PMEPA1: variants seen among roughly 807,000 people sequenced by gnomAD.
PMEPA1 encodes prostate transmembrane protein, androgen induced 1.
Under a neutral mutation model 23.0 loss-of-function variants are expected in PMEPA1, and 11 were observed. The ratio of observed to expected loss-of-function variants is 0.48; its 90% confidence interval spans 0.30 to 0.79. The LOEUF (loss-of-function observed/expected upper bound fraction) is 0.79. Ranked by LOEUF, PMEPA1 falls within the 30% of genes least tolerant of loss-of-function variation. The pLI is 0.06. For missense variants in PMEPA1, 377 were observed against 390.9 expected, an observed-to-expected ratio of 0.96 and a Z score of 0.30; for synonymous variants, 204 against 166.4, an observed-to-expected ratio of 1.23 and a Z score of -1.74.
At chr20:57,662,520 T>C (rs1020685455) in intron 1 of PMEPA1, among the ~76,000 whole-genome samples, 1 of 152,180 alleles carries the variant, frequency 6.6e-6, no homozygotes, top group Non-Finnish European at 1.5e-5. Flanking sequence ...CACCCGCATG[T>C]TCCTGGCCAG....
chr20:57,670,209 G>A (rs1446553734), intron 1 of PMEPA1, among the ~76,000 whole-genome samples: 1 of 152,044 alleles, frequency 6.6e-6, no homozygotes, highest in Non-Finnish European at 1.5e-5. Flanking sequence ...GTGGGGTGGG[G>A]GGGGTAGTAC....
chr20:57,678,316 C>T (rs2071666781), intron 1 of PMEPA1, among the ~76,000 whole-genome samples: 2 of 152,238 alleles, frequency 1.3e-5, no homozygotes, highest in Non-Finnish European at 2.9e-5. Context: ...TAGAACCTCT[C>T]TGTATTATTT....
chr20:57,680,603 A>G (rs1290617296), intron 1 of PMEPA1, among the ~76,000 whole-genome samples: 2 of 152,264 alleles, frequency 1.3e-5, no homozygotes, highest in Non-Finnish European at 2.9e-5. Flanking sequence ...CTCAATAAAC[A>G]TTAGCTAGGC....
At chr20:57,680,885 C>T (rs542262192) in intron 1 of PMEPA1, among the ~76,000 whole-genome samples, 3 of 152,306 alleles carry the variant, frequency 2.0e-5, no homozygotes, top group Admixed American at 1.3e-4. Flanking sequence ...GAAATGAATA[C>T]ATGGGTGAGG....
chr20:57,668,046 G>A (rs1202352491), intron 1 of PMEPA1, among the ~76,000 whole-genome samples: 2 of 152,156 alleles, frequency 1.3e-5, no homozygotes, highest in South Asian at 2.1e-4. Flanking sequence ...AATCTAGGCC[G>A]GTTTTCTCGT....
intron 1 of PMEPA1, among the ~76,000 whole-genome samples, chr20:57,681,636 G>A (rs1446514171): frequency 2.0e-5 from 3 of 152,042 alleles, no homozygotes; most frequent in Non-Finnish European, 4.4e-5. Context: ...AGCTCTCCAC[G>A]TACCCTCCAC....
intron 2 of PMEPA1, among the ~76,000 whole-genome samples, chr20:57,658,356 G>A (rs771330059): frequency 3.9e-5 from 6 of 152,086 alleles, no homozygotes; most frequent in Admixed American, 6.5e-5. Flanking sequence ...AGAGCAGCTC[G>A]CCCCAACTTC....
At position 57,709,916 on chromosome 20, in the gene PMEPA1, TCCG is replaced by T. The variant is rs1035195930; in HGVS notation, c.-337_-335del. On this transcript the variant is annotated 5_prime_UTR_variant, in exon 1 of 4. Transcript: ENST00000341744. ...CGCTAGCTTTCCCCAGCCGAGCGCC[TCCG>T]CCGCCGCCGCCGCCGCCGCCTCCTC... 288 of 998,918 alleles carry T rather than the reference TCCG, an allele frequency of 2.9e-4. No individual in the cohort carries two copies. The highest frequency in any genetic ancestry group is 9.9e-4 in the Middle Eastern group (2 of 2,022). 61.9% of individuals were successfully genotyped at this position (998,918 alleles called of 1,614,324 possible).
intron 2 of PMEPA1, among the ~76,000 whole-genome samples, chr20:57,658,742 C>T (rs1291663829): frequency 6.6e-6 from 1 of 152,162 alleles, no homozygotes; most frequent in Non-Finnish European, 1.5e-5. Context: ...GACCTGGTGT[C>T]CTGTTGCCTC....
chr20:57,701,646 G>C (rs1228625355), intron 1 of PMEPA1, among the ~76,000 whole-genome samples: 1 of 152,142 alleles, frequency 6.6e-6, no homozygotes, highest in Non-Finnish European at 1.5e-5. Flanking sequence ...TTTTGTACCA[G>C]AGGTGCTTTT....
rs1299853160 is a variant in PMEPA1 at position 57,655,205 on chromosome 20, C to A, written c.265-2119G>T. 1.3e-5 allele frequency among the ~76,000 whole-genome samples: 2 copies of A among 152,196 alleles called. No individual in the cohort carries two copies. The highest frequency in any genetic ancestry group is 2.9e-5 in the Non-Finnish European group (2 of 68,040). ...CTTTGGATCTGAGCCCATCCTGGGT[C>A]TGGACCAATGGCCCCTCTTTCCTCC... On this transcript the variant is annotated intron_variant, in intron 2 of 3. Transcript: ENST00000341744. This position sits in a 1 kb window ranked among gnomAD's most constrained non-coding sequence, Gnocchi z 4.2.
intron 2 of PMEPA1, among the ~76,000 whole-genome samples, chr20:57,654,615 ACCACCCTTGTTCCAC>A (rs1277039845): frequency 2.0e-5 from 3 of 151,856 alleles, no homozygotes; most frequent in African/African-American, 7.3e-5. Flanking sequence ...TCCTCTCCCC[ACCACCCTTGTTCCAC>A]CCACCCTTGA....
chr20:57,655,627 C>A lies in PMEPA1; in HGVS notation c.265-2541G>T, dbSNP rs913368787. On this transcript the variant is annotated intron_variant, in intron 2 of 3. Transcript: ENST00000341744. This position sits in a 1 kb window ranked among gnomAD's most constrained non-coding sequence, Gnocchi z 4.2. ...CCTCTGGCTATGTCTGCCAGTCACCCCAGGTGGAGGACAAGGACAGGTTCC... is the reference window on the plus strand; with the variant it reads ...CCTCTGGCTATGTCTGCCAGTCACCACAGGTGGAGGACAAGGACAGGTTCC... Among the ~76,000 whole-genome samples the A allele has an allele frequency of 1.3e-5, 2 of 152,186 alleles. No individual in the cohort carries two copies. Among genetic ancestry groups the A allele is most frequent in the African/African-American group, 4.8e-5 (2 of 41,440 alleles).
At chr20:57,674,296 C>T (rs901144769) in intron 1 of PMEPA1, among the ~76,000 whole-genome samples, 10 of 152,208 alleles carry the variant, frequency 6.6e-5, no homozygotes, top group Non-Finnish European at 1.5e-4. Context: ...CACCAAGGAA[C>T]GGCCATGTGA....
intron 1 of PMEPA1, chr20:57,690,536 G>T: frequency 4.6e-6 from 6 of 1,295,572 alleles, no homozygotes; most frequent in Non-Finnish European, 6.1e-6. Flanking sequence ...AAAAAAGAAG[G>T]ATTAATTAAC....
intron 1 of PMEPA1, among the ~76,000 whole-genome samples, chr20:57,669,849 C>A (rs1205145484): frequency 1.3e-5 from 2 of 150,752 alleles, no homozygotes; most frequent in Admixed American, 6.6e-5. Context: ...TTTTGGAGCA[C>A]ATATAATTAT....
At chr20:57,659,300 G>C (rs1289305966) in intron 2 of PMEPA1, among the ~76,000 whole-genome samples, 1 of 152,186 alleles carries the variant, frequency 6.6e-6, no homozygotes, top group Non-Finnish European at 1.5e-5. Context: ...AGTGGATCAC[G>C]AAGCCTCTTC....
At position 57,683,554 on chromosome 20, in the gene PMEPA1, C is replaced by CGTGTGTGCGTGTGA. The variant is rs1568977703; in HGVS notation, c.110-23858_110-23857insTCACACGCACACAC. On this transcript the variant is annotated intron_variant, in intron 1 of 3. Transcript: ENST00000341744. The surrounding 1 kb of genome is among the most constrained non-coding windows in gnomAD (Gnocchi z 4.3). Reference sequence around the variant, plus strand: ...CGGTGGTGGTGTTCTGGCCTGTGTGCGTGTGTGTGTGTGTGTGTGTGTGTG... The same window carrying CGTGTGTGCGTGTGA: ...CGGTGGTGGTGTTCTGGCCTGTGTGCGTGTGTGCGTGTGAGTGTGTGTGTGTGTGTGTGTGTGTG... 9.4e-6 allele frequency among the ~76,000 whole-genome samples: 1 copy of CGTGTGTGCGTGTGA among 106,310 alleles called. No homozygotes were observed. Among genetic ancestry groups the CGTGTGTGCGTGTGA allele is most frequent in the African/African-American group, 2.6e-5 (1 of 38,130 alleles). The allele number at this position is 106,310 out of a possible 152,430, so 69.7% of individuals were successfully genotyped here.
intron 1 of PMEPA1, among the ~76,000 whole-genome samples, chr20:57,670,771 C>A (rs1043244176): frequency 3.9e-5 from 6 of 152,300 alleles, no homozygotes; most frequent in African/African-American, 1.2e-4. Context: ...GTACCCTGTT[C>A]TAGTTTGCAA....
Sources: allele counts gnomAD v4.1 joint callset (sites outside exome capture counted in the v4.1 genomes callset), GRCh38; gene constraint gnomAD v4.1.1; non-coding constraint Gnocchi (gnomAD v3.1); transcripts MANE v1.5; gene names NCBI Gene and HGNC (gene_info 2026-07-23, HGNC 2026-07-21).